C13orf42: variants seen among roughly 807,000 people sequenced by gnomAD.
The protein encoded by C13orf42 is uncharacterized protein C13orf42.
At chr13:51,112,608 T>C (rs960569111), upstream of C13orf42, among the ~76,000 whole-genome samples, 3 of 152,256 alleles carry the variant, frequency 2.0e-5, no homozygotes, top group African/African-American at 7.2e-5. Context: ...TTCACAGTTG[T>C]AGCATGCTTT....
In C13orf42 at chr13:51,100,816, T is replaced by C. The variant is rs61423497; in HGVS notation, c.414+9980A>G. On this transcript the variant is annotated intron_variant, in intron 1 of 3. Transcript: ENST00000563710. ...GGCCTTCAACCCATTAATCACACTT[T>C]AGGAATCTCTGCTAAAAAATGCCTT... 6.6e-5 allele frequency among the ~76,000 whole-genome samples: 10 copies of C among 152,300 alleles called. No homozygotes were observed. The South Asian group carries it at 1.0e-3, about 16-fold the overall frequency.
chr13:51,101,082 A>C (rs1953285101), intron 1 of C13orf42, among the ~76,000 whole-genome samples: 1 of 152,234 alleles, frequency 6.6e-6, no homozygotes, highest in Non-Finnish European at 1.5e-5. Context: ...AATTAAAATA[A>C]AGCATGGCAG....
intron 1 of C13orf42, among the ~76,000 whole-genome samples, chr13:51,102,768 A>C (rs1459230816): frequency 6.6e-6 from 1 of 152,202 alleles, no homozygotes; most frequent in African/African-American, 2.4e-5. Context: ...TTTATCAAGG[A>C]AAGAGATTAA....
intron 1 of C13orf42, among the ~76,000 whole-genome samples, chr13:51,171,678 A>T (rs952935126): frequency 5.9e-5 from 9 of 152,010 alleles, no homozygotes; most frequent in South Asian, 2.1e-4. Context: ...GCCCTCCCCC[A>T]CCTGCCCAGC....
At chr13:51,112,615 C>T (rs116249204), upstream of C13orf42, among the ~76,000 whole-genome samples, 1,213 of 152,250 alleles carry the variant, frequency 8.0e-3, 25 homozygotes, top group African/African-American at 0.028. Flanking sequence ...TTGTAGCATG[C>T]TTTAGGGATG....
chr13:51,113,387 C>T (rs1195685659), upstream of C13orf42, among the ~76,000 whole-genome samples: 1 of 152,230 alleles, frequency 6.6e-6, no homozygotes, highest in Non-Finnish European at 1.5e-5. Context: ...CCTGGAGCTC[C>T]TACTGAGTTG....
chr13:51,151,375 GA>G lies in C13orf42; in HGVS notation n.136+20877del, dbSNP rs67940203. ...CAGGTAGCCCCAAAAGCTGGAAAAGGAAAAAAAAAAGAAAAAACAAACAAAC... is the reference window on the plus strand; with the variant it reads ...CAGGTAGCCCCAAAAGCTGGAAAAGGAAAAAAAAAGAAAAAACAAACAAAC... On this transcript the variant is annotated intron_variant and non_coding_transcript_variant, in intron 1 of 4. Coordinates refer to the C13orf42 transcript ENST00000433280. 2.8e-3 allele frequency among the ~76,000 whole-genome samples: 410 copies of G among 148,784 alleles called. 3 individuals are homozygous for G. Among genetic ancestry groups the G allele is most frequent in the Non-Finnish European group, 4.0e-3 (268 of 67,144 alleles).
intron 1 of C13orf42, among the ~76,000 whole-genome samples, chr13:51,128,850 C>T (rs9535580): frequency 0.31 from 46,928 of 152,074 alleles, 7,575 homozygotes; most frequent in South Asian, 0.41. Context: ...CTTGTAATAA[C>T]TGAAGAGACT....
At chr13:51,157,536 C>T (rs4942965) in intron 1 of C13orf42, among the ~76,000 whole-genome samples, 106,078 of 152,150 alleles carry the variant, frequency 0.7, 37,231 homozygotes, top group East Asian at 0.92. Flanking sequence ...ATTTTGCCTG[C>T]TCGTGAACTT....
intron 1 of C13orf42, among the ~76,000 whole-genome samples, chr13:51,148,559 G>A (rs1259810073): frequency 2.0e-5 from 3 of 152,192 alleles, no homozygotes; most frequent in African/African-American, 7.2e-5. Flanking sequence ...CGAAGGAAGA[G>A]CACAGCTCAT....
chr13:51,139,683 C>T (rs1276561661), intron 1 of C13orf42, among the ~76,000 whole-genome samples: 1 of 152,186 alleles, frequency 6.6e-6, no homozygotes, highest in Admixed American at 6.5e-5. Context: ...CTGCTACACT[C>T]CCACCAGCAC....
chr13:51,144,486 T>C (rs971467727), intron 1 of C13orf42, among the ~76,000 whole-genome samples: 1 of 152,366 alleles, frequency 6.6e-6, no homozygotes, highest in Non-Finnish European at 1.5e-5. Context: ...ATACAATTAT[T>C]TGCATAAGTG....
chr13:51,143,553 T>C (rs1370741901), intron 1 of C13orf42, among the ~76,000 whole-genome samples: 2 of 152,212 alleles, frequency 1.3e-5, no homozygotes, highest in East Asian at 1.9e-4. Context: ...CTGTTTATAC[T>C]AGGGCCCCTT....
chr13:51,169,970 G>A (rs531983483), intron 1 of C13orf42, among the ~76,000 whole-genome samples: 1 of 152,254 alleles, frequency 6.6e-6, no homozygotes, highest in South Asian at 2.1e-4. Flanking sequence ...AAGTGAATAT[G>A]CCTTGCCCCA....
At chr13:51,139,582 G>C (rs966282006) in intron 1 of C13orf42, among the ~76,000 whole-genome samples, 2 of 152,070 alleles carry the variant, frequency 1.3e-5, no homozygotes, top group Non-Finnish European at 2.9e-5. Context: ...AGGTCACAAA[G>C]ACCTTGCTAA....
At chr13:51,133,652 C>T (rs1384902491) in intron 1 of C13orf42, among the ~76,000 whole-genome samples, 1 of 152,144 alleles carries the variant, frequency 6.6e-6, no homozygotes, top group Non-Finnish European at 1.5e-5. Context: ...CCCAATGGGC[C>T]CCAGGAAAGG....
At position 51,129,258 on chromosome 13, in the gene C13orf42, G is replaced by A. The variant is rs147224087; in HGVS notation, n.137-16036C>T. Among the ~76,000 whole-genome samples, 1,171 of 152,264 alleles carry A rather than the reference G, an allele frequency of 7.7e-3. 11 individuals carry two copies. Among genetic ancestry groups the A allele is most frequent in the South Asian group, 0.013 (65 of 4,816 alleles). The stretch of plus-strand genomic sequence containing the variant: ...ACAGAATATCTGTGTGTCAGTGTAC[G>A]TTTTATTCATCTGTCATTTGGGTCA... On this transcript the variant is annotated intron_variant and non_coding_transcript_variant, in intron 1 of 4. Transcript: ENST00000433280.
intron 1 of C13orf42, among the ~76,000 whole-genome samples, chr13:51,122,102 T>C (rs760738717): frequency 1.1e-4 from 17 of 152,298 alleles, no homozygotes; most frequent in Middle Eastern, 3.4e-3. Flanking sequence ...CACAAATATT[T>C]TTAGTATATT....
intron 1 of C13orf42, among the ~76,000 whole-genome samples, chr13:51,091,884 T>C (rs1012596079): frequency 1.3e-5 from 2 of 152,110 alleles, no homozygotes; most frequent in African/African-American, 2.4e-5. Context: ...ATACAGGTCA[T>C]TGAGGGACGA....
Sources: gnomAD v4.1 joint callset for allele counts (sites outside exome capture counted in the v4.1 genomes callset) on GRCh38, gnomAD v4.1.1 for gene constraint, MANE v1.5 for transcripts, NCBI Gene and HGNC (gene_info 2026-07-23, HGNC 2026-07-21) for gene names.